Variants in MXD1 observed in about 807,000 individuals in gnomAD.
The protein encoded by MXD1 is MAX-binding protein.
Under a neutral mutation model 25.7 loss-of-function variants are expected in MXD1, and 9 were observed. That is an observed-to-expected ratio of 0.35 (90% CI 0.21 to 0.61). The LOEUF is 0.61. MXD1 is among the 20% of genes least tolerant of loss of function. The probability of loss-of-function intolerance (pLI) is 0.75; values close to 1 mark genes in which losing one functional copy is unlikely to be tolerated. For synonymous variants in MXD1, 99 were observed against 113.9 expected (o/e 0.87, Z 0.83); for missense variants, 227 against 292.4 (o/e 0.78, Z 1.63).
rs1310234461 is a variant in MXD1, at chr2:69,938,765, C to T, written c.*481C>T. ...AAGCTTTGAAAGCAGCATTTAAGAGCACTTAACCATGGACCTCACCACCAG... is the reference window on the plus strand; with the variant it reads ...AAGCTTTGAAAGCAGCATTTAAGAGTACTTAACCATGGACCTCACCACCAG... On this transcript the variant is annotated 3_prime_UTR_variant, in exon 6 of 6. Transcript: ENST00000264444. 6.4e-6 allele frequency: 1 copy of T among 155,622 alleles called. No homozygotes were observed. Among genetic ancestry groups the T allele is most frequent in the African/African-American group, 2.4e-5 (1 of 41,460 alleles). The allele number at this position is 155,622 out of a possible 1,614,324, so 9.6% of individuals were successfully genotyped here.
rs749325377 is a variant in MXD1, at chr2:69,935,367, T to G, written c.220T>G (p.Leu74Val). 1 of 1,613,750 alleles carries G rather than the reference T, an allele frequency of 6.2e-7. No individual in the cohort carries two copies. The highest frequency in any genetic ancestry group is 1.3e-5 in the African/African-American group (1 of 74,910). The change falls in exon 4 of 6, where the codon TTG (leucine) becomes GTG (valine). Residue 74 changes from leucine (L) to valine (V), a missense_variant. Transcript: ENST00000264444. ...MEKNRRAHLR[L>V]CLEKLKGLVP... ...TTTTCATAGACGGGCTCATCTTCGCTTGTGCCTGGAGAAGTTGAAGGGGCT... is the reference window on the plus strand; with the variant it reads ...TTTTCATAGACGGGCTCATCTTCGCGTGTGCCTGGAGAAGTTGAAGGGGCT...
chr2:69,938,062 T>C (rs1677499263), intron 5 of MXD1, 35 bp from the exon 6 acceptor site: 6 of 1,601,298 alleles, frequency 3.7e-6, no homozygotes, highest in Non-Finnish European at 5.1e-6. Flanking sequence ...GCAGAGCGCT[T>C]TCATCAATGT....
Position 69,916,224 on chromosome 2 carries a change from A to C in MXD1, c.173+4A>C, listed in dbSNP as rs1482496358. ...AAAAGAATAACAGCAGTAGCAGGTA[A>C]TTTGGTAAATACTTCTTTCTGTCTT... On this transcript the variant is annotated splice_donor_region_variant and intron_variant, in intron 2 of 5. Transcript: ENST00000264444. 3 of 1,547,242 alleles carry C rather than the reference A, an allele frequency of 1.9e-6. No homozygotes were observed. Among genetic ancestry groups the C allele is most frequent in the Non-Finnish European group, 8.9e-7 (1 of 1,121,034 alleles).
At chr2:69,934,410 G>A (rs920058538) in intron 3 of MXD1, among the ~76,000 whole-genome samples, 9 of 152,124 alleles carry the variant, frequency 5.9e-5, no homozygotes, top group South Asian at 2.1e-4. Flanking sequence ...AGCAACTCTC[G>A]TGCTCTCTCT....
At chr2:69,924,112 A>G (rs1428748012) in intron 3 of MXD1, among the ~76,000 whole-genome samples, 1 of 152,194 alleles carries the variant, frequency 6.6e-6, no homozygotes, top group Non-Finnish European at 1.5e-5. Context: ...ATGCGTTCAT[A>G]GTAGGGTATT....
At position 69,915,299 on chromosome 2, in the gene MXD1, G is replaced by A. The variant is rs1300854714; in HGVS notation, c.-32G>A. The A allele has an allele frequency of 2.3e-6, 3 of 1,307,942 alleles. No individual in the cohort carries two copies. Among genetic ancestry groups the A allele is most frequent in the African/African-American group, 1.5e-5 (1 of 64,922 alleles). 81.0% of individuals were successfully genotyped at this position (1,307,942 alleles called of 1,614,324 possible). On this transcript the variant is annotated 5_prime_UTR_variant, in exon 1 of 6. Coordinates refer to ENST00000264444, the MANE Select transcript of MXD1 (RefSeq NM_002357.4). This position sits in a 1 kb window ranked among gnomAD's most constrained non-coding sequence, Gnocchi z 5.8. Reference sequence around the variant, plus strand: ...GGCAGCGAGCCCGTGGGCAGTGGGGGTTGGTCCCGTGGCTCCGGCCCCCGG... The same window carrying A: ...GGCAGCGAGCCCGTGGGCAGTGGGGATTGGTCCCGTGGCTCCGGCCCCCGG...
chr2:69,923,468 A>G (rs1349592449), intron 3 of MXD1, among the ~76,000 whole-genome samples: 1 of 152,190 alleles, frequency 6.6e-6, no homozygotes, highest in Non-Finnish European at 1.5e-5. Flanking sequence ...CTGACTCTGA[A>G]AGTCAGGATC....
chr2:69,926,190 A>G (rs559950282), intron 3 of MXD1, among the ~76,000 whole-genome samples: 2 of 152,316 alleles, frequency 1.3e-5, no homozygotes, highest in South Asian at 4.1e-4. Flanking sequence ...TCATTTAGCT[A>G]TACAGAATCA....
intron 3 of MXD1, among the ~76,000 whole-genome samples, chr2:69,933,823 A>G (rs1227280846): frequency 6.6e-6 from 1 of 152,178 alleles, no homozygotes; most frequent in East Asian, 1.9e-4. Context: ...TTACAGTACA[A>G]TTCTTAAGAG....
chr2:69,941,575 TTTG>T lies in MXD1; in HGVS notation c.*3294_*3296del. 6.6e-6 allele frequency: 1 copy of T among 152,164 alleles called. No individual in the cohort carries two copies. The highest frequency in any genetic ancestry group is 1.9e-4 in the East Asian group (1 of 5,198). 9.4% of individuals were successfully genotyped at this position (152,164 alleles called of 1,614,324 possible). On this transcript the variant is annotated 3_prime_UTR_variant, in exon 6 of 6. Transcript: ENST00000264444. ...GCAGTTGGCCACTTGAGTGTTTTGT[TTTG>T]TTTTTATTTTTTAAGGTGGGCATTT...
intron 3 of MXD1, among the ~76,000 whole-genome samples, chr2:69,935,027 T>TTGTAAG (rs1677388037): frequency 6.6e-6 from 1 of 152,194 alleles, no homozygotes; most frequent in Admixed American, 6.5e-5. Context: ...ATTTAAAAAA[T>TTGTAAG]TGTAAGTTGA....
At chr2:69,927,847 T>G (rs1677199868) in intron 3 of MXD1, among the ~76,000 whole-genome samples, 1 of 152,238 alleles carries the variant, frequency 6.6e-6, no homozygotes, top group Non-Finnish European at 1.5e-5. Flanking sequence ...AGCACAATTG[T>G]GAGAAATCTT....
intron 3 of MXD1, among the ~76,000 whole-genome samples, chr2:69,934,769 C>A (rs1573409270): frequency 6.6e-6 from 1 of 152,216 alleles, no homozygotes; most frequent in African/African-American, 2.4e-5. Context: ...AAAGCACATT[C>A]TCATTCTTTT....
At chr2:69,937,182 G>A (rs1677469329) in intron 4 of MXD1, 53 bp from the exon 5 acceptor site, 1 of 1,606,804 alleles carries the variant, frequency 6.2e-7, no homozygotes, top group Non-Finnish European at 8.5e-7. Flanking sequence ...GGGGGCCATT[G>A]CCCATTTAGA....
intron 3 of MXD1, among the ~76,000 whole-genome samples, chr2:69,932,846 T>C (rs1028916781): frequency 2.6e-5 from 4 of 152,248 alleles, no homozygotes; most frequent in African/African-American, 9.6e-5. Context: ...TTCTGAATCA[T>C]GCAGTCTTTG....
At position 69,935,415 on chromosome 2, in the gene MXD1, A is replaced by G; in HGVS notation, c.268A>G (p.Ser90Gly). 1 of 1,614,162 alleles carries G rather than the reference A, an allele frequency of 6.2e-7. No individual in the cohort carries two copies. Among genetic ancestry groups the G allele is most frequent in the Non-Finnish European group, 8.5e-7 (1 of 1,179,992 alleles). The change falls in exon 4 of 6, where the codon AGT becomes GGT. Residue 90 changes from serine to glycine, a missense_variant. Coordinates refer to ENST00000264444, the MANE Select transcript of MXD1 (RefSeq NM_002357.4). Reference protein sequence around the residue: ...KGLVPLGPESSRHTTLSLLTK... With the variant: ...KGLVPLGPESGRHTTLSLLTK... Reference sequence around the variant, plus strand: ...GCTGGTGCCACTTGGACCCGAATCAAGTCGACACACTACGTTGAGTTTATT... The same window carrying G: ...GCTGGTGCCACTTGGACCCGAATCAGGTCGACACACTACGTTGAGTTTATT...
intron 3 of MXD1, among the ~76,000 whole-genome samples, chr2:69,929,666 C>A (rs1034377193): frequency 1.3e-5 from 2 of 152,146 alleles, no homozygotes; most frequent in Non-Finnish European, 2.9e-5. Context: ...AGCAGAAATA[C>A]GTGGTATCTG....
At chr2:69,928,189 A>G in intron 3 of MXD1, among the ~76,000 whole-genome samples, 1 of 152,204 alleles carries the variant, frequency 6.6e-6, no homozygotes, top group Non-Finnish European at 1.5e-5. Context: ...TCAAACTCCA[A>G]TTATCTTATA....
rs1677522712 is a variant in MXD1 at position 69,938,792 on chromosome 2, G to A, written c.*508G>A. 6.5e-6 allele frequency: 1 copy of A among 153,928 alleles called. No individual in the cohort carries two copies. Among genetic ancestry groups the A allele is most frequent in the Non-Finnish European group, 1.4e-5 (1 of 69,186 alleles). The allele number at this position is 153,928 out of a possible 1,614,324, so 9.5% of individuals were successfully genotyped here. On this transcript the variant is annotated 3_prime_UTR_variant, in exon 6 of 6. Coordinates refer to ENST00000264444, the MANE Select transcript of MXD1 (RefSeq NM_002357.4). ...CTTAACCATGGACCTCACCACCAGTGAGGAAGTCAGGAATACCTCTAGAAA... is the reference window on the plus strand; with the variant it reads ...CTTAACCATGGACCTCACCACCAGTAAGGAAGTCAGGAATACCTCTAGAAA...
Sources: gnomAD v4.1 joint callset for allele counts (sites outside exome capture counted in the v4.1 genomes callset) on GRCh38, gnomAD v4.1.1 for gene constraint, Gnocchi (gnomAD v3.1) non-coding constraint, MANE v1.5 for transcripts, NCBI Gene and HGNC (gene_info 2026-07-23, HGNC 2026-07-21) for gene names.